The following RASGRF1 variants were observed in gnomAD, a reference collection of about 807,000 sequenced individuals.
RASGRF1 encodes Ras protein specific guanine nucleotide releasing factor 1.
RASGRF1 carries 40 observed loss-of-function variants against 138.7 expected under a neutral mutation model. That is an observed-to-expected ratio of 0.29 (90% CI 0.22 to 0.38). RASGRF1 has a LOEUF of 0.38. Among genes scored for constraint, RASGRF1 ranks in the 10% least tolerant of loss-of-function variants. The pLI is 1.00. For synonymous variants in RASGRF1, 614 were observed against 663.2 expected (o/e 0.93, Z 1.14); for missense variants, 1,108 against 1,650.4 (o/e 0.67, Z 5.69).
intron 13 of RASGRF1, among the ~76,000 whole-genome samples, chr15:79,007,545 G>GTTTTTTTTTTTT (rs5813951): frequency 1.8e-5 from 2 of 108,982 alleles, no homozygotes; most frequent in African/African-American, 3.8e-5. Context: ...GCCGTATCTA[G>GTTTTTTTTTTTT]TTTTTTTTTT....
At chr15:78,986,138 C>T (rs2056151802) in intron 22 of RASGRF1, among the ~76,000 whole-genome samples, 1 of 152,052 alleles carries the variant, frequency 6.6e-6, no homozygotes, top group African/African-American at 2.4e-5. Context: ...CACTGCTGGT[C>T]TCACATACAC....
chr15:78,973,332 C>T lies in RASGRF1; in HGVS notation c.3583G>A (p.Gly1195Ser), dbSNP rs761559564. ...EEGTPNYTED[G>S]LVNFSKMRMI... ...CTCATCTTGGAGAAGTTGACCAGGC[C>T]GTCTTCCGTGTAATTGGGCGTCCCC... The change falls in exon 25 of 27, where the codon GGC (glycine) becomes AGC (serine). Residue 1195 changes from glycine (G) to serine (S), a missense_variant. By Grantham distance (56) the Gly-to-Ser change is moderately conservative (BLOSUM62 0). Coordinates refer to ENST00000558480, the MANE Select transcript of RASGRF1 (RefSeq NM_001145648.3). This position sits in a 1 kb window ranked among gnomAD's most constrained non-coding sequence, Gnocchi z 4.9. 6 of 1,613,388 alleles carry T rather than the reference C, an allele frequency of 3.7e-6. No homozygotes were observed. Among genetic ancestry groups the T allele is most frequent in the East Asian group, 2.2e-5 (1 of 44,852 alleles).
intron 23 of RASGRF1, among the ~76,000 whole-genome samples, chr15:78,983,781 C>T (rs563633289): frequency 6.6e-6 from 1 of 152,358 alleles, no homozygotes; most frequent in East Asian, 1.9e-4. Flanking sequence ...CAGCTCTGAG[C>T]TCCTGTGCTC....
rs1158004260 is a variant in RASGRF1 at position 79,019,906 on chromosome 15, T to C, written c.1606+135A>G. 37 of 980,796 alleles carry C rather than the reference T, an allele frequency of 3.8e-5. No individual in the cohort carries two copies. In the Admixed American group the frequency reaches 7.0e-4, roughly 19 times the overall value. The allele number at this position is 980,796 out of a possible 1,614,324, so 60.8% of individuals were successfully genotyped here. ...TGAACAGGGTGTGTGCATGAGGGCA[T>C]GTGTGGACCTCCCCTCCGCACTTCA... On this transcript the variant is annotated intron_variant, in intron 11 of 26. Coordinates refer to ENST00000558480, the MANE Select transcript of RASGRF1 (RefSeq NM_001145648.3).
Position 79,031,416 on chromosome 15 carries a change from G to C in RASGRF1, c.1246C>G (p.Leu416Val). 1.2e-6 allele frequency: 2 copies of C among 1,610,330 alleles called. No homozygotes were observed. Among genetic ancestry groups the C allele is most frequent in the South Asian group, 2.2e-5 (2 of 90,172 alleles). The change falls in exon 8 of 27, where the codon CTG becomes GTG. Residue 416 changes from leucine (L) to valine (V), a missense_variant. By Grantham distance (32) the Leu-to-Val change is conservative (BLOSUM62 1). Transcript: ENST00000558480. ...RNSLDYAKSKLEELSRIMHDE... is the reference protein window; with the variant it reads ...RNSLDYAKSKVEELSRIMHDE... ...AGGCCTCACCTGGACAGCTCCTCCA[G>C]TTTGGACTTGGCGTAGTCCAGGCTG...
chr15:78,977,485 G>T (rs2055897271), intron 24 of RASGRF1, among the ~76,000 whole-genome samples: 1 of 152,326 alleles, frequency 6.6e-6, no homozygotes, highest in Middle Eastern at 3.4e-3. Context: ...GGGTTGCTAG[G>T]CTGCTCTGTG....
rs1020799734 is a variant in RASGRF1 at position 79,027,220 on chromosome 15, A to C, written c.1381+521T>G. ...CCTCTCAACGGGGCCGTGCCTCTCA[A>C]ACACTGCTCCCAAGGTAAGCGAGGC... On this transcript the variant is annotated intron_variant, in intron 9 of 26. Transcript: ENST00000558480. This position sits in a 1 kb window ranked among gnomAD's most constrained non-coding sequence, Gnocchi z 4.8. Among the ~76,000 whole-genome samples the C allele has an allele frequency of 2.7e-4, 41 of 152,146 alleles. No individual in the cohort carries two copies. The highest frequency in any genetic ancestry group is 8.8e-5 in the Non-Finnish European group (6 of 68,018).
chr15:78,970,992 G>A (rs2055746476), intron 26 of RASGRF1, among the ~76,000 whole-genome samples: 2 of 152,086 alleles, frequency 1.3e-5, no homozygotes, highest in Admixed American at 1.3e-4. Context: ...TTTCTGGCAG[G>A]CCTGATGCTA....
intron 22 of RASGRF1, among the ~76,000 whole-genome samples, chr15:78,989,162 G>T (rs2056220508): frequency 1.3e-5 from 2 of 152,200 alleles, no homozygotes; most frequent in Non-Finnish European, 2.9e-5. Context: ...CTGCCCCCCA[G>T]TTCTCTGCTG....
At chr15:79,089,085 C>A (rs1377189412) in intron 1 of RASGRF1, among the ~76,000 whole-genome samples, 1 of 152,194 alleles carries the variant, frequency 6.6e-6, no homozygotes, top group East Asian at 1.9e-4. Flanking sequence ...CAGTCTGTGT[C>A]TTCATGCAGC....
intron 13 of RASGRF1, among the ~76,000 whole-genome samples, chr15:79,013,911 T>C (rs2056838009): frequency 6.6e-6 from 1 of 152,210 alleles, no homozygotes; most frequent in Non-Finnish European, 1.5e-5. Flanking sequence ...AAATGTTCTA[T>C]ATATTCATTT....
Position 78,961,854 on chromosome 15 carries a change from G to C in RASGRF1, c.*290C>G. ...TGGAGTCTAAGATTCTTGTATGCAA[G>C]GGTGCTGTTTCCCCTCTGAGAAGAG... On this transcript the variant is annotated 3_prime_UTR_variant, in exon 27 of 27. Coordinates refer to ENST00000558480, the MANE Select transcript of RASGRF1 (RefSeq NM_001145648.3). 3.4e-6 allele frequency: 1 copy of C among 298,200 alleles called. No homozygotes were observed. Among genetic ancestry groups the C allele is most frequent in the Non-Finnish European group, 6.3e-6 (1 of 158,170 alleles). 18.5% of individuals were successfully genotyped at this position (298,200 alleles called of 1,614,324 possible). A position where few individuals can be genotyped will look rare whatever the true frequency, so the allele number is the denominator to read the frequency against.
intron 2 of RASGRF1, among the ~76,000 whole-genome samples, chr15:79,061,829 T>C (rs551393249): frequency 6.6e-6 from 1 of 152,348 alleles, no homozygotes; most frequent in African/African-American, 2.4e-5. Context: ...TGGCTATTCT[T>C]AGTTTTGGAC....
Position 79,046,858 on chromosome 15 carries a change from C to T in RASGRF1, c.766G>A (p.Val256Met), listed in dbSNP as rs770085797. 13 of 1,614,122 alleles carry T rather than the reference C, an allele frequency of 8.1e-6. No homozygotes were observed. Among genetic ancestry groups the T allele is most frequent in the African/African-American group, 2.7e-5 (2 of 74,948 alleles). Reference protein sequence around the residue: ...FSMLEAEAEYVQQLHILVNNF... With the variant: ...FSMLEAEAEYMQQLHILVNNF... ...TTGACAAGGATGTGCAGCTGCTGCACGTACTCAGCCTCAGCCTCCAGCATG... is the reference window on the plus strand; with the variant it reads ...TTGACAAGGATGTGCAGCTGCTGCATGTACTCAGCCTCAGCCTCCAGCATG... The change falls in exon 5 of 27, where the codon GTG becomes ATG. Residue 256 changes from valine to methionine, a missense_variant. Val to Met is a conservative substitution (Grantham distance 21). Around this residue, in one of 3 missense-constraint regions of RASGRF1, gnomAD observed 169 missense variants for 344.2 expected, o/e 0.49. Coordinates refer to ENST00000558480, the MANE Select transcript of RASGRF1 (RefSeq NM_001145648.3). The surrounding 1 kb of genome is among the most constrained non-coding windows in gnomAD (Gnocchi z 5.3).
At chr15:79,040,454 C>T (rs1306824965) in intron 5 of RASGRF1, among the ~76,000 whole-genome samples, 2 of 152,196 alleles carry the variant, frequency 1.3e-5, no homozygotes, top group Non-Finnish European at 2.9e-5. Flanking sequence ...TTAACTTGGC[C>T]TTCAACACCC....
At chr15:78,982,664 G>T (rs1330243781) in intron 23 of RASGRF1, among the ~76,000 whole-genome samples, 1 of 152,086 alleles carries the variant, frequency 6.6e-6, no homozygotes, top group Non-Finnish European at 1.5e-5. Context: ...GAAGAAAGAT[G>T]ATTTTGTGGT....
rs2056449646 is a variant in RASGRF1, at chr15:78,998,723, G to C, written c.2849C>G (p.Ser950Cys). The change falls in exon 18 of 27, where the codon TCT (serine) becomes TGT (cysteine). Residue 950 changes from serine to cysteine, a missense_variant. By Grantham distance (112) the Ser-to-Cys change is moderately radical. Around this residue, in one of 3 missense-constraint regions of RASGRF1, gnomAD observed 686 missense variants for 976.7 expected, o/e 0.70. Coordinates refer to ENST00000558480, the MANE Select transcript of RASGRF1 (RefSeq NM_001145648.3). ...CCAGGGAGGGCTCCCACCCACCTGAGAGTGCTTGGACACCCAGTGGCGGAG... is the reference window on the plus strand; with the variant it reads ...CCAGGGAGGGCTCCCACCCACCTGACAGTGCTTGGACACCCAGTGGCGGAG... ...NVLRHWVSKH[S>C]QDFETNDELK... The C allele has an allele frequency of 1.2e-6, 2 of 1,612,824 alleles. No individual in the cohort carries two copies. Among genetic ancestry groups the C allele is most frequent in the Admixed American group, 1.7e-5 (1 of 60,034 alleles).
intron 24 of RASGRF1, among the ~76,000 whole-genome samples, chr15:78,976,974 C>T (rs752092092): frequency 5.3e-5 from 8 of 152,256 alleles, no homozygotes; most frequent in African/African-American, 9.6e-5. Flanking sequence ...GCCTCGCTGT[C>T]GCACTCCCAT....
intron 26 of RASGRF1, among the ~76,000 whole-genome samples, chr15:78,965,945 G>C (rs942041620): frequency 3.1e-4 from 47 of 152,272 alleles, no homozygotes; most frequent in African/African-American, 9.6e-4. Flanking sequence ...GGTGTTCCCT[G>C]GTCGACTGAG....
Sources: gnomAD v4.1 joint callset for allele counts (sites outside exome capture counted in the v4.1 genomes callset) on GRCh38, gnomAD v4.1.1 for gene constraint, gnomAD v4.1.1 regional missense constraint, Gnocchi (gnomAD v3.1) non-coding constraint, MANE v1.5 for transcripts, NCBI Gene and HGNC (gene_info 2026-07-23, HGNC 2026-07-21) for gene names.